MRPS6: variants seen among roughly 807,000 people sequenced by gnomAD.
The protein encoded by MRPS6 is mitochondrial ribosomal protein S6, also known as small ribosomal subunit protein bS6m.
Under a neutral mutation model 13.1 loss-of-function variants are expected in MRPS6, and 6 were observed. The observed-to-expected ratio is 0.46, with a 90% CI of 0.25 to 0.91. The LOEUF (loss-of-function observed/expected upper bound fraction) is 0.91, where lower values mean the gene tolerates loss of function less well. Among genes scored for constraint, MRPS6 ranks in the 40% least tolerant of loss-of-function variants. MRPS6 has a pLI of 0.18. For synonymous variants in MRPS6, 61 were observed against 56.5 expected (o/e 1.08, Z -0.36); for missense variants, 164 against 155.6 (o/e 1.05, Z -0.29).
intron 1 of MRPS6, chr21:34,095,197 G>C (rs949179876): frequency 1.5e-5 from 23 of 1,585,224 alleles, no homozygotes; most frequent in Non-Finnish European, 1.8e-5. Context: ...CAAGTTACCA[G>C]AATGAGAGCT....
rs905515388 is a variant in MRPS6 at position 34,098,348 on chromosome 21, T to C, written c.45+24603T>C. 11 of 1,000,150 alleles carry C rather than the reference T, an allele frequency of 1.1e-5. 1 individual carries two copies. The highest frequency in any genetic ancestry group is 3.5e-5 in the African/African-American group (2 of 57,242). The allele number at this position is 1,000,150 out of a possible 1,614,324, so 62.0% of individuals were successfully genotyped here. On this transcript the variant is annotated intron_variant, in intron 1 of 2. Transcript: ENST00000399312. Reference sequence around the variant, plus strand: ...CAGAAACCTGAAGAAAAATTGACGCTGCCTTTGTGTGCTGGATTGCTCTAC... The same window carrying C: ...CAGAAACCTGAAGAAAAATTGACGCCGCCTTTGTGTGCTGGATTGCTCTAC...
chr21:34,138,939 A>C (rs1054398130), intron 2 of MRPS6, among the ~76,000 whole-genome samples: 1 of 151,974 alleles, frequency 6.6e-6, no homozygotes, highest in African/African-American at 2.4e-5. Context: ...AACCAACCCA[A>C]ATGTCCAACA....
At chr21:34,125,255 T>C (rs1980259386) in intron 1 of MRPS6, 86 bp from the exon 2 acceptor site, 7 of 1,526,784 alleles carry the variant, frequency 4.6e-6, no homozygotes, top group Non-Finnish European at 6.1e-6. Context: ...CTGTTATGAT[T>C]GGAACTGAGC....
At chr21:34,124,362 C>T (rs1980225443) in intron 1 of MRPS6, 1 of 152,142 alleles carries the variant, frequency 6.6e-6, no homozygotes, top group South Asian at 2.1e-4. Flanking sequence ...CAGGCTTATC[C>T]TTATAAAGTA....
At chr21:34,099,554 G>A in intron 1 of MRPS6, 2 of 999,536 alleles carry the variant, frequency 2.0e-6, no homozygotes, top group Non-Finnish European at 2.4e-6. Context: ...TATTGGCTGG[G>A]CAGCCTATCT....
intron 1 of MRPS6, among the ~76,000 whole-genome samples, chr21:34,112,325 G>T (rs1464327402): frequency 6.6e-6 from 1 of 152,182 alleles, no homozygotes; most frequent in Non-Finnish European, 1.5e-5. Flanking sequence ...AATAGGGACA[G>T]ACTCCTATAT....
chr21:34,076,129 C>A (rs755853269), intron 1 of MRPS6, among the ~76,000 whole-genome samples: 18 of 152,124 alleles, frequency 1.2e-4, no homozygotes, highest in Non-Finnish European at 1.8e-4. Context: ...CTGTGTTAGG[C>A]AACTTTAACA....
intron 1 of MRPS6, chr21:34,122,407 A>G (rs1174542543): frequency 1.3e-5 from 2 of 152,184 alleles, no homozygotes; most frequent in Non-Finnish European, 2.9e-5. Context: ...TTAAAGTGAG[A>G]TGAATGTGGC....
chr21:34,126,763 TGTA>T (rs1980319488), intron 2 of MRPS6, among the ~76,000 whole-genome samples: 2 of 152,236 alleles, frequency 1.3e-5, no homozygotes, highest in Admixed American at 6.5e-5. Flanking sequence ...TCTCCACTCA[TGTA>T]GTACTTCCAG....
chr21:34,109,046 A>G (rs1280808137), intron 1 of MRPS6, among the ~76,000 whole-genome samples: 1 of 152,022 alleles, frequency 6.6e-6, no homozygotes, highest in Non-Finnish European at 1.5e-5. Flanking sequence ...CAGTTTCTAA[A>G]CTTTATCTTC....
intron 1 of MRPS6, among the ~76,000 whole-genome samples, chr21:34,074,995 T>G (rs1989292131): frequency 6.6e-6 from 1 of 152,242 alleles, no homozygotes; most frequent in Non-Finnish European, 1.5e-5. Context: ...TTCATGGATT[T>G]GGAAGAAGTT....
intron 1 of MRPS6, among the ~76,000 whole-genome samples, chr21:34,086,116 G>C (rs544771417): frequency 6.6e-6 from 1 of 151,962 alleles, no homozygotes; most frequent in African/African-American, 2.4e-5. Context: ...TTACCTTTCC[G>C]GATTTGGCTG....
chr21:34,110,430 C>T (rs1979651361), intron 1 of MRPS6, among the ~76,000 whole-genome samples: 1 of 151,946 alleles, frequency 6.6e-6, no homozygotes, highest in African/African-American at 2.4e-5. Context: ...CAGTGAGCTA[C>T]TATTGTGCCA....
intron 1 of MRPS6, chr21:34,098,797 A>G (rs1979094661): frequency 1.0e-6 from 1 of 1,000,110 alleles, no homozygotes; most frequent in South Asian, 4.7e-5. Context: ...AGCTCTACAG[A>G]TTACGTACTT....
chr21:34,074,731 T>G (rs1457094244), intron 1 of MRPS6, among the ~76,000 whole-genome samples: 1 of 152,276 alleles, frequency 6.6e-6, no homozygotes, highest in African/African-American at 2.4e-5. Flanking sequence ...GTCCGAACTT[T>G]GTAAGCACAG....
intron 1 of MRPS6, chr21:34,098,029 C>T: frequency 1.0e-6 from 1 of 998,508 alleles, no homozygotes; most frequent in South Asian, 4.7e-5. Flanking sequence ...TTTAAGTGAA[C>T]CATACTGAAA....
At chr21:34,112,382 G>T (rs1377932642) in intron 1 of MRPS6, among the ~76,000 whole-genome samples, 1 of 151,884 alleles carries the variant, frequency 6.6e-6, no homozygotes, top group South Asian at 2.1e-4. Flanking sequence ...TACCTATGGG[G>T]TTACAGAAGA....
At chr21:34,120,669 TATA>T (rs1424257560) in intron 1 of MRPS6, among the ~76,000 whole-genome samples, 3 of 152,108 alleles carry the variant, frequency 2.0e-5, no homozygotes, top group Non-Finnish European at 2.9e-5. Context: ...AGCAAATAAT[TATA>T]ATGTAATTTT....
At chr21:34,095,904 A>G (rs1371495977) in intron 1 of MRPS6, 1 of 1,614,014 alleles carries the variant, frequency 6.2e-7, no homozygotes, top group African/African-American at 1.3e-5. Flanking sequence ...CCTTTCCAAC[A>G]CAAATTCTTG....
Sources: allele counts gnomAD v4.1 joint callset (sites outside exome capture counted in the v4.1 genomes callset), GRCh38; gene constraint gnomAD v4.1.1; transcripts MANE v1.5; gene names NCBI Gene and HGNC (gene_info 2026-07-23, HGNC 2026-07-21).